C8B: variants seen among roughly 807,000 people sequenced by gnomAD.
C8B encodes the protein complement component C8 beta chain.
A neutral mutation model predicts 64.6 loss-of-function variants in C8B; 67 were observed. That is an observed-to-expected ratio of 1.04 (90% CI 0.85 to 1.27). The LOEUF (loss-of-function observed/expected upper bound fraction) is 1.27, where lower values mean the gene tolerates loss of function less well. Among genes scored for constraint, C8B ranks in the 50% most tolerant of loss-of-function variants. The probability of loss-of-function intolerance (pLI) is 0.00; values close to 1 mark genes in which losing one functional copy is unlikely to be tolerated. For missense variants in C8B, 790 were observed against 725.2 expected (o/e 1.09, Z -1.03); for synonymous variants, 284 against 257.7 (o/e 1.10, Z -0.98).
chr1:56,955,162 C>T (rs1171867512), intron 3 of C8B, among the ~76,000 whole-genome samples: 2 of 152,126 alleles, frequency 1.3e-5, no homozygotes, highest in African/African-American at 4.8e-5. Flanking sequence ...AACCTCTCTG[C>T]CTCAATTTAC....
chr1:56,963,304 C>T (rs917523862), intron 1 of C8B, among the ~76,000 whole-genome samples: 1 of 152,056 alleles, frequency 6.6e-6, no homozygotes, highest in Non-Finnish European at 1.5e-5. Context: ...AGATGGGGTG[C>T]GTCAATATAT....
chr1:56,930,724 A>T (rs1644688714), intron 11 of C8B, among the ~76,000 whole-genome samples: 1 of 152,238 alleles, frequency 6.6e-6, no homozygotes, highest in African/African-American at 2.4e-5. Context: ...CATCTATAAA[A>T]TGGGAATATC....
At chr1:56,959,664 G>A (rs1645149049) in intron 2 of C8B, 2 of 1,514,370 alleles carry the variant, frequency 1.3e-6, no homozygotes, top group South Asian at 2.4e-5. Context: ...GATCCTAAGG[G>A]TCATGGGTAG....
intron 2 of C8B, chr1:56,959,672 T>C (rs1645149267): frequency 6.7e-7 from 1 of 1,498,600 alleles, no homozygotes; most frequent in African/African-American, 1.4e-5. Context: ...GGGTCATGGG[T>C]AGACTGTGAA....
chr1:56,929,743 TC>T (rs1478549664), intron 11 of C8B, among the ~76,000 whole-genome samples, 185 bp from the exon 12 acceptor site: 1 of 152,004 alleles, frequency 6.6e-6, no homozygotes, highest in African/African-American at 2.4e-5. Context: ...GCATATGCTT[TC>T]CCCCCTGTGC....
intron 9 of C8B, among the ~76,000 whole-genome samples, chr1:56,938,701 T>C (rs1644807618): frequency 6.6e-6 from 1 of 152,178 alleles, no homozygotes; most frequent in Non-Finnish European, 1.5e-5. Context: ...GAAATCATGT[T>C]TTAGGACTTG....
intron 4 of C8B, among the ~76,000 whole-genome samples, chr1:56,953,241 A>T (rs563759896): frequency 6.6e-6 from 1 of 152,194 alleles, no homozygotes; most frequent in Non-Finnish European, 1.5e-5. Flanking sequence ...TCTGTCTCCT[A>T]TCAGCTTCCA....
rs77783451 is a variant in C8B, at chr1:56,930,896, A to G, written c.1621+914T>C. ...CTTTATATGCCTCCTTACAAAGTCA[A>G]GACAACTCTATGAGGTTGTTAATAT... On this transcript the variant is annotated intron_variant, in intron 11 of 11. Coordinates refer to ENST00000371237, the MANE Select transcript of C8B (RefSeq NM_000066.4). Among the ~76,000 whole-genome samples, 422 of 152,326 alleles carry G rather than the reference A, an allele frequency of 2.8e-3. 2 individuals carry two copies. The highest frequency in any genetic ancestry group is 9.6e-3 in the African/African-American group (399 of 41,590).
chr1:56,955,239 A>G (rs545079380), intron 3 of C8B, among the ~76,000 whole-genome samples: 1 of 152,304 alleles, frequency 6.6e-6, no homozygotes, highest in Admixed American at 6.5e-5. Context: ...ATGAATAAAT[A>G]AAACAGTACT....
chr1:56,956,733 C>G (rs1052069348), intron 3 of C8B, 36 bp downstream of exon 3: 61 of 1,611,300 alleles, frequency 3.8e-5, no homozygotes, highest in Non-Finnish European at 5.0e-5. Context: ...TACCTCATTT[C>G]AGGCTTTCCC....
chr1:56,950,102 C>A (rs959103763), intron 5 of C8B, among the ~76,000 whole-genome samples: 2 of 152,104 alleles, frequency 1.3e-5, no homozygotes, highest in African/African-American at 4.8e-5. Flanking sequence ...CAGTGCAGTT[C>A]ATTGAGAAGT....
At chr1:56,943,045 G>T in intron 8 of C8B, among the ~76,000 whole-genome samples, 1 of 151,738 alleles carries the variant, frequency 6.6e-6, no homozygotes, top group Middle Eastern at 3.2e-3. Flanking sequence ...GCAGTGAGCC[G>T]AGATCACGCC....
chr1:56,959,587 T>C, intron 2 of C8B: 2 of 1,535,436 alleles, frequency 1.3e-6, no homozygotes, highest in Admixed American at 2.0e-5. Context: ...CATACAAGTG[T>C]CCATTGTGCT....
At position 56,956,816 on chromosome 1, in the gene C8B, G is replaced by A; in HGVS notation, c.344C>T (p.Pro115Leu). 6.2e-7 allele frequency: 1 copy of A among 1,614,028 alleles called. No individual in the cohort carries two copies. The highest frequency in any genetic ancestry group is 8.5e-7 in the Non-Finnish European group (1 of 1,179,968). ...KEVEDCVTNR[P>L]CGSQVRCEGF... ...TTCACATCGCACTTGACTTCCGCAT[G>A]GTCTGTTGGTAACACAGTCTTCGAC... The change falls in exon 3 of 12, where the codon CCA (proline) becomes CTA (leucine). Residue 115 changes from proline (P) to leucine (L), a missense_variant. By Grantham distance (98) the Pro-to-Leu change is moderately conservative (BLOSUM62 -3). Transcript: ENST00000371237.
chr1:56,953,330 T>G (rs1192374431), intron 4 of C8B, among the ~76,000 whole-genome samples: 1 of 152,226 alleles, frequency 6.6e-6, no homozygotes, highest in Non-Finnish European at 1.5e-5. Context: ...ATCAAAATAA[T>G]GTATACATAT....
intron 11 of C8B, among the ~76,000 whole-genome samples, chr1:56,929,823 T>G (rs1318360598): frequency 6.6e-6 from 1 of 152,224 alleles, no homozygotes; most frequent in African/African-American, 2.4e-5. Flanking sequence ...AGTAAAAGTG[T>G]TATTTCCTCA....
At chr1:56,965,392 A>AGTGT (rs1263920410) in intron 1 of C8B, among the ~76,000 whole-genome samples, 1 of 92,876 alleles carries the variant, frequency 1.1e-5, no homozygotes, top group Non-Finnish European at 2.3e-5. Context: ...AGAGAGAGAG[A>AGTGT]GAGAGAGTGT....
intron 1 of C8B, among the ~76,000 whole-genome samples, chr1:56,961,063 A>G (rs963018414): frequency 7.9e-5 from 12 of 152,224 alleles, no homozygotes; most frequent in African/African-American, 2.7e-4. Context: ...CACCACCAGC[A>G]GAGATAAGGC....
chr1:56,947,027 A>C (rs1644952896), intron 6 of C8B, among the ~76,000 whole-genome samples: 1 of 151,932 alleles, frequency 6.6e-6, no homozygotes, highest in Non-Finnish European at 1.5e-5. Context: ...GTCACTAGGT[A>C]CTCTGTTCAT....
Sources: allele counts gnomAD v4.1 joint callset (sites outside exome capture counted in the v4.1 genomes callset), GRCh38; gene constraint gnomAD v4.1.1; transcripts MANE v1.5; gene names NCBI Gene and HGNC (gene_info 2026-07-23, HGNC 2026-07-21).